The following ZNF286A variants were observed in gnomAD, a reference collection of about 807,000 sequenced individuals.
ZNF286A encodes zinc finger protein ZNF286.
Under a neutral mutation model 49.3 loss-of-function variants are expected in ZNF286A, and 34 were observed. The observed-to-expected ratio is 0.69, with a 90% CI of 0.52 to 0.92. The LOEUF (loss-of-function observed/expected upper bound fraction) is 0.92. Among genes scored for constraint, ZNF286A ranks in the 40% least tolerant of loss-of-function variants. ZNF286A has a pLI of 0.00. For missense variants in ZNF286A, 462 were observed against 600.2 expected, an observed-to-expected ratio of 0.77 and a Z score of 2.41; for synonymous variants, 155 against 200.4, an observed-to-expected ratio of 0.77 and a Z score of 1.91.
At position 15,720,692 on chromosome 17, in the gene ZNF286A, G is replaced by A. The variant is rs922277548; in HGVS notation, c.*3402G>A. The A allele has an allele frequency of 6.7e-6, 1 of 150,150 alleles. No individual in the cohort carries two copies. Among genetic ancestry groups the A allele is most frequent in the Non-Finnish European group, 1.5e-5 (1 of 67,648 alleles). 9.3% of individuals were successfully genotyped at this position (150,150 alleles called of 1,614,324 possible). A position where few individuals can be genotyped will look rare whatever the true frequency, so the allele number is the denominator to read the frequency against. On this transcript the variant is annotated 3_prime_UTR_variant, in exon 6 of 6. Coordinates refer to ENST00000583566, the MANE Select transcript of ZNF286A (RefSeq NM_001130842.2). The stretch of plus-strand genomic sequence containing the variant: ...CAACATGAATCTTGGAAATTTTAAT[G>A]TTATGCATTTCAAATGTTTTTGGTT...
At chr17:15,708,277 A>C (rs1266181111) in intron 5 of ZNF286A, 30 bp downstream of exon 5, 2 of 1,529,006 alleles carry the variant, frequency 1.3e-6, no homozygotes, top group African/African-American at 2.8e-5. Context: ...GTCTTCATAA[A>C]TGATAGCCCA....
Position 15,704,248 on chromosome 17 carries a change from G to A in ZNF286A, c.127-2139G>A. The A allele has an allele frequency of 3.1e-6, 5 of 1,603,404 alleles. No homozygotes were observed. In the East Asian group the frequency reaches 6.7e-5, roughly 21 times the overall value. On this transcript the variant is annotated intron_variant, in intron 3 of 5. Transcript: ENST00000583566. ...GAGAGCCCACTACAGCCGCCGCAGC[G>A]CCCGCTTCTTGTCCGTCTTTTTCTT...
At chr17:15,702,243 G>A (rs910455598) in intron 3 of ZNF286A, among the ~76,000 whole-genome samples, 7 of 152,126 alleles carry the variant, frequency 4.6e-5, no homozygotes, top group East Asian at 1.9e-4. Context: ...GGCTGGGCAC[G>A]GTGGCTCATG....
At chr17:15,713,996 A>C (rs1449674137) in intron 5 of ZNF286A, among the ~76,000 whole-genome samples, 1 of 152,116 alleles carries the variant, frequency 6.6e-6, no homozygotes, top group East Asian at 1.9e-4. Flanking sequence ...TGGCTGGTTC[A>C]GCTCACAACT....
At chr17:15,714,815 G>T (rs576898111) in intron 5 of ZNF286A, among the ~76,000 whole-genome samples, 1 of 151,958 alleles carries the variant, frequency 6.6e-6, no homozygotes, top group Non-Finnish European at 1.5e-5. Context: ...GATAGAAGAT[G>T]AATAGATAGA....
rs1555565221 is a variant in ZNF286A, at chr17:15,711,866, C to CCA, written c.334+3620_334+3621insAC. On this transcript the variant is annotated intron_variant, in intron 5 of 5. Transcript: ENST00000583566. ...TTGCATTTATCTGTAATCTGCCCCC[C>CCA]CCCCGGCTTTTTTTTTTTTTTTTGA... 4.6e-4 allele frequency among the ~76,000 whole-genome samples: 48 copies of CCA among 103,502 alleles called. 1 individual carries two copies. The highest frequency in any genetic ancestry group is 1.7e-3 in the African/African-American group (48 of 27,980). The allele number at this position is 103,502 out of a possible 152,430, so 67.9% of individuals were successfully genotyped here. A position where few individuals can be genotyped will look rare whatever the true frequency, so the allele number is the denominator to read the frequency against.
intron 3 of ZNF286A, among the ~76,000 whole-genome samples, chr17:15,701,731 C>G (rs958603322): frequency 2.6e-5 from 4 of 152,192 alleles, no homozygotes; most frequent in African/African-American, 9.7e-5. Flanking sequence ...CAGTTAGAAT[C>G]CAGCCCTCTG....
intron 3 of ZNF286A, among the ~76,000 whole-genome samples, chr17:15,702,870 A>C (rs1302578613): frequency 6.6e-6 from 1 of 152,232 alleles, no homozygotes; most frequent in Non-Finnish European, 1.5e-5. Flanking sequence ...AGAATGTTAA[A>C]ACCTAATTCT....
intron 4 of ZNF286A, among the ~76,000 whole-genome samples, chr17:15,707,253 A>C (rs1277304353): frequency 6.6e-6 from 1 of 152,036 alleles, no homozygotes; most frequent in Non-Finnish European, 1.5e-5. Flanking sequence ...ATCCTGGCTA[A>C]CACGGTGAAA....
intron 3 of ZNF286A, chr17:15,704,940 C>CAA (rs1357799226): frequency 6.5e-7 from 1 of 1,533,624 alleles, no homozygotes; most frequent in African/African-American, 1.4e-5. Flanking sequence ...CGGCCCCCTT[C>CAA]CTGCGTTCTT....
chr17:15,716,591 C>A lies in ZNF286A; in HGVS notation c.867C>A (p.His289Gln). ...SFSHRANLTK[H>Q]QRTHTRILFE... ...GCCACAGAGCTAATTTAACTAAACA[C>A]CAGAGAACTCATACTAGAATTCTCT... Residue 289 changes from histidine (H) to glutamine (Q), a missense_variant, in exon 6 of 6, where the codon CAC (histidine) becomes CAA (glutamine). By Grantham distance (24) the His-to-Gln change is conservative. This residue lies in a region of ZNF286A where 201 missense variants were observed against 311.3 expected (regional missense o/e 0.65). Transcript: ENST00000583566. 6.2e-7 allele frequency: 1 copy of A among 1,613,974 alleles called. No homozygotes were observed.
At position 15,717,739 on chromosome 17, in the gene ZNF286A, C is replaced by T. The variant is rs555035011; in HGVS notation, c.*449C>T. On this transcript the variant is annotated 3_prime_UTR_variant, in exon 6 of 6. Transcript: ENST00000583566. ...TATTACTCCTTGAGATCTAGATACA[C>T]ATATGGTATAATTCATCTAGAGTGT... 1 of 160,752 alleles carries T rather than the reference C, an allele frequency of 6.2e-6. No homozygotes were observed. The highest frequency in any genetic ancestry group is 1.7e-4 in the South Asian group (1 of 5,836). 10.0% of individuals were successfully genotyped at this position (160,752 alleles called of 1,614,324 possible).
chr17:15,713,692 C>T (rs1430036047), intron 5 of ZNF286A, among the ~76,000 whole-genome samples: 1 of 150,492 alleles, frequency 6.6e-6, no homozygotes, highest in Non-Finnish European at 1.5e-5. Flanking sequence ...TTTGTTGACA[C>T]TTTATATTGT....
rs549636021 is a variant in ZNF286A at position 15,704,535 on chromosome 17, G to A, written c.127-1852G>A. On this transcript the variant is annotated intron_variant, in intron 3 of 5. Transcript: ENST00000583566. ...CGTTGAGTGCAGACTCGGGGTTAGG[G>A]TGGATCAGCAGGCACCTGATGGTCA... 10 of 1,614,000 alleles carry A rather than the reference G, an allele frequency of 6.2e-6. No individual in the cohort carries two copies. In the Admixed American group the frequency reaches 6.7e-5, roughly 11 times the overall value.
Position 15,716,734 on chromosome 17 carries a change from G to A in ZNF286A, c.1010G>A (p.Arg337Gln), listed in dbSNP as rs761460069. 20 of 1,613,798 alleles carry A rather than the reference G, an allele frequency of 1.2e-5. No homozygotes were observed. Among genetic ancestry groups the A allele is most frequent in the South Asian group, 4.4e-5 (4 of 91,072 alleles). Reference protein sequence around the residue: ...ECNECGKGFNRSTHLVQHQLI... With the variant: ...ECNECGKGFNQSTHLVQHQLI... Reference sequence around the variant, plus strand: ...AATGAATGTGGGAAAGGTTTTAATCGAAGTACACATCTTGTGCAGCATCAG... The same window carrying A: ...AATGAATGTGGGAAAGGTTTTAATCAAAGTACACATCTTGTGCAGCATCAG... Residue 337 changes from arginine to glutamine, a missense_variant, in exon 6 of 6, where the codon CGA becomes CAA. Around this residue, in one of 3 missense-constraint regions of ZNF286A, gnomAD observed 201 missense variants for 311.3 expected, o/e 0.65. Transcript: ENST00000583566.
At chr17:15,713,525 A>T (rs1274262787) in intron 5 of ZNF286A, among the ~76,000 whole-genome samples, 5 of 152,118 alleles carry the variant, frequency 3.3e-5, no homozygotes, top group Non-Finnish European at 7.4e-5. Context: ...TCAGGTAATT[A>T]TGGCTATTCT....
At chr17:15,708,650 C>T (rs1990423363) in intron 5 of ZNF286A, among the ~76,000 whole-genome samples, 1 of 152,202 alleles carries the variant, frequency 6.6e-6, no homozygotes, top group Non-Finnish European at 1.5e-5. Flanking sequence ...GTCACCTTAT[C>T]CTAACTTATA....
In ZNF286A at chr17:15,717,131, C is replaced by T. The variant is rs2530065; in HGVS notation, c.1407C>T (p.Ser469=). 31 of 1,613,502 alleles carry T rather than the reference C, an allele frequency of 1.9e-5. No individual in the cohort carries two copies. The highest frequency in any genetic ancestry group is 6.7e-5 in the African/African-American group (5 of 74,780). ...TTGGAAAGAAACCGTACAAATGTAG[C>T]GAGTGTGGAAAAGCCTTCATTCATT... ...IHIGKKPYKC[S]ECGKAFIHSS... The change falls in exon 6 of 6, where the codon AGC becomes AGT. Residue 469 remains serine (S), a synonymous_variant. Transcript: ENST00000583566.
rs540065826 is a variant in ZNF286A, at chr17:15,718,657, A to G, written c.*1367A>G. The G allele has an allele frequency of 6.6e-6, 1 of 151,494 alleles. No individual in the cohort carries two copies. Among genetic ancestry groups the G allele is most frequent in the African/African-American group, 2.4e-5 (1 of 41,034 alleles). The allele number at this position is 151,494 out of a possible 1,614,324, so 9.4% of individuals were successfully genotyped here. On this transcript the variant is annotated 3_prime_UTR_variant, in exon 6 of 6. Coordinates refer to ENST00000583566, the MANE Select transcript of ZNF286A (RefSeq NM_001130842.2). The stretch of plus-strand genomic sequence containing the variant: ...GGATAGTCCTCAACTGACTTGCTTG[A>G]GGATAAGCAGCTTCCCTTCGTGAAG...
Sources: gnomAD v4.1 joint callset for allele counts (sites outside exome capture counted in the v4.1 genomes callset) on GRCh38, gnomAD v4.1.1 for gene constraint, gnomAD v4.1.1 regional missense constraint, MANE v1.5 for transcripts, NCBI Gene and HGNC (gene_info 2026-07-23, HGNC 2026-07-21) for gene names.